ZNF526: variants seen among roughly 807,000 people sequenced by gnomAD.
ZNF526 encodes zinc finger protein 526.
A neutral mutation model predicts 32.4 loss-of-function variants in ZNF526; 16 were observed. The observed-to-expected ratio is 0.49, with a 90% confidence interval of 0.33 to 0.75. The LOEUF is 0.75. ZNF526 is among the 30% of genes least tolerant of loss of function. ZNF526 has a pLI of 0.02. For missense variants in ZNF526, 838 were observed against 920.7 expected, an observed-to-expected ratio of 0.91 and a Z score of 1.16; for synonymous variants, 355 against 363.4, an observed-to-expected ratio of 0.98 and a Z score of 0.26.
chr19:42,226,006 A>G lies in ZNF526; in HGVS notation c.1603A>G (p.Lys535Glu), dbSNP rs1313392103. ...ARPYQCLDCG[K>E]RFTQSSNLQQ... The stretch of plus-strand genomic sequence containing the variant: ...TCCCTACCAATGCCTGGACTGTGGC[A>G]AGCGCTTCACACAGAGCTCCAACCT... The change falls in exon 3 of 3, where the codon AAG (lysine) becomes GAG (glutamate). Residue 535 changes from lysine (K) to glutamate (E), a missense_variant. Physicochemically the swap from Lys to Glu is moderately conservative, Grantham distance 56 (BLOSUM62 1). Coordinates refer to ENST00000301215, the MANE Select transcript of ZNF526 (RefSeq NM_133444.3). The G allele has an allele frequency of 1.9e-6, 3 of 1,613,620 alleles. No individual in the cohort carries two copies. Among genetic ancestry groups the G allele is most frequent in the African/African-American group, 2.7e-5 (2 of 74,948 alleles).
chr19:42,224,453 CA>C lies in ZNF526; in HGVS notation c.51del (p.Ala19GlnfsTer12), dbSNP rs1381336406. Reference sequence around the variant, plus strand: ...GCCGAGATGCCAACACAGATGTCACCAGGGGCAGTGGAGATGTCAACACCTA... The same window carrying C: ...GCCGAGATGCCAACACAGATGTCACCGGGGCAGTGGAGATGTCAACACCTA... The part of the protein sequence containing the change: ...EVAEMPTQMS[P>X]GAVEMSTPMS... On this transcript the variant is annotated frameshift_variant, in exon 3 of 3. Coordinates refer to ENST00000301215, the MANE Select transcript of ZNF526 (RefSeq NM_133444.3). LOFTEE classifies it low-confidence loss of function (END_TRUNC). 1 of 1,614,044 alleles carries C rather than the reference CA, an allele frequency of 6.2e-7. No individual in the cohort carries two copies. The highest frequency in any genetic ancestry group is 2.2e-5 in the East Asian group (1 of 44,900).
Position 42,226,306 on chromosome 19 carries a change from A to G in ZNF526, c.1903A>G (p.Ile635Val), listed in dbSNP as rs1224821835. ...CTELGETIAI[I>V]ETSQPLALED... is the part of the protein sequence containing the mutation. The stretch of plus-strand genomic sequence containing the variant: ...AGAGCTGGGGGAGACCATCGCCATC[A>G]TTGAGACATCCCAGCCACTGGCGCT... The change falls in exon 3 of 3, where the codon ATT becomes GTT. Residue 635 changes from isoleucine to valine, a missense_variant. Ile to Val is a conservative substitution (Grantham distance 29). Transcript: ENST00000301215. 3 of 1,614,172 alleles carry G rather than the reference A, an allele frequency of 1.9e-6. No individual in the cohort carries two copies. The highest frequency in any genetic ancestry group is 2.5e-6 in the Non-Finnish European group (3 of 1,180,024).
chr19:42,224,355 T>G (rs2036151125), intron 2 of ZNF526, 32 bp from the exon 3 acceptor site: 3 of 1,556,346 alleles, frequency 1.9e-6, no homozygotes, highest in Non-Finnish European at 2.7e-6. Flanking sequence ...GGTTTCCTGC[T>G]GTCTCACTGG....
chr19:42,226,227 A>C lies in ZNF526; in HGVS notation c.1824A>C (p.Ser608=). 6.2e-7 allele frequency: 1 copy of C among 1,612,632 alleles called. No individual in the cohort carries two copies. Among genetic ancestry groups the C allele is most frequent in the Non-Finnish European group, 8.5e-7 (1 of 1,179,982 alleles). ...CTTTGACGCTACAGCCTCCCAGATCACCATCTCCTGCCCCACCCCCACCTC... is the reference window on the plus strand; with the variant it reads ...CTTTGACGCTACAGCCTCCCAGATCCCCATCTCCTGCCCCACCCCCACCTC... ...ARTLTLQPPR[S]PSPAPPPPPE... is the part of the protein sequence containing the mutation. The change falls in exon 3 of 3, where the codon TCA becomes TCC. Residue 608 remains serine, a synonymous_variant. Transcript: ENST00000301215.
chr19:42,223,533 C>G (rs968920949), intron 1 of ZNF526, among the ~76,000 whole-genome samples: 4 of 152,074 alleles, frequency 2.6e-5, no homozygotes, highest in Admixed American at 6.6e-5. Context: ...CCCAGCTACT[C>G]GGGAGGCTGA....
In ZNF526 at chr19:42,226,597, C is replaced by T; in HGVS notation, c.*181C>T. ...CTTCCAGGCTTCTCTTGTCATCTTT[C>T]TCTGCCTGAGGGGAAACTGAAGCTC... On this transcript the variant is annotated 3_prime_UTR_variant, in exon 3 of 3. Coordinates refer to ENST00000301215, the MANE Select transcript of ZNF526 (RefSeq NM_133444.3). The T allele has an allele frequency of 3.7e-6, 3 of 800,194 alleles. No homozygotes were observed. The Admixed American group carries it at 6.2e-5, about 17-fold the overall frequency. The allele number at this position is 800,194 out of a possible 1,614,324, so 49.6% of individuals were successfully genotyped here.
Position 42,224,994 on chromosome 19 carries a change from T to C in ZNF526, c.591T>C (p.Tyr197=). 1 of 1,614,188 alleles carries C rather than the reference T, an allele frequency of 6.2e-7. No individual in the cohort carries two copies. Among genetic ancestry groups the C allele is most frequent in the Non-Finnish European group, 8.5e-7 (1 of 1,180,020 alleles). ...SPPSEVKMEP[Y]ECPECSTLCA... is the part of the protein sequence containing the mutation. ...CATCCGAAGTCAAGATGGAGCCCTA[T>C]GAGTGTCCTGAGTGCTCTACCCTCT... Residue 197 remains tyrosine (Y), a synonymous_variant, in exon 3 of 3, where the codon TAT becomes TAC. Coordinates refer to ENST00000301215, the MANE Select transcript of ZNF526 (RefSeq NM_133444.3).
Position 42,226,767 on chromosome 19 carries a change from C to A in ZNF526, c.*351C>A. ...AAGCTTATGCCAGGTCTGTGCTGGC[C>A]ACTCTCATATACCTCTTCAGATCCT... On this transcript the variant is annotated 3_prime_UTR_variant, in exon 3 of 3. Transcript: ENST00000301215. 2.4e-6 allele frequency: 1 copy of A among 422,044 alleles called. No individual in the cohort carries two copies. Among genetic ancestry groups the A allele is most frequent in the East Asian group, 5.6e-5 (1 of 17,898 alleles). The allele number at this position is 422,044 out of a possible 1,614,324, so 26.1% of individuals were successfully genotyped here.
chr19:42,222,916 T>C (rs1468310003), intron 1 of ZNF526, among the ~76,000 whole-genome samples: 1 of 151,592 alleles, frequency 6.6e-6, no homozygotes, highest in Admixed American at 6.6e-5. Flanking sequence ...AAAAACAATC[T>C]TTCTGGAGAA....
rs2036155383 is a variant in ZNF526, at chr19:42,224,687, G to A, written c.284G>A (p.Gly95Asp). The change falls in exon 3 of 3, where the codon GGC (glycine) becomes GAC (aspartate). Residue 95 changes from glycine (G) to aspartate (D), a missense_variant. By Grantham distance (94) the Gly-to-Asp change is moderately conservative. Coordinates refer to ENST00000301215, the MANE Select transcript of ZNF526 (RefSeq NM_133444.3). ...GAGGCACTGACCACACAGAATGTTG[G>A]CCTGGAGCCGGAGCTGGTGCCGGGT... is the stretch of plus-strand genomic sequence containing the variant. ...EEEALTTQNV[G>D]LEPELVPGAE... 7.4e-6 allele frequency: 12 copies of A among 1,614,154 alleles called. No individual in the cohort carries two copies. Among genetic ancestry groups the A allele is most frequent in the Non-Finnish European group, 1.0e-5 (12 of 1,180,036 alleles).
intron 1 of ZNF526, among the ~76,000 whole-genome samples, chr19:42,223,815 CAAAAA>C (rs962041845): frequency 3.0e-5 from 1 of 32,926 alleles, no homozygotes. Flanking sequence ...GAGTCCATCT[CAAAAA>C]AAAAAAAAAA....
chr19:42,225,928 T>A lies in ZNF526; in HGVS notation c.1525T>A (p.Phe509Ile). The stretch of plus-strand genomic sequence containing the variant: ...CCAGTGCCACTCATGTGGCAAGACC[T>A]TTGCTTCTTTGGCCAACCTCAGCCG... ...PFQCHSCGKT[F>I]ASLANLSRHQ... The change falls in exon 3 of 3, where the codon TTT becomes ATT. Residue 509 changes from phenylalanine to isoleucine, a missense_variant. Transcript: ENST00000301215. 6.2e-7 allele frequency: 1 copy of A among 1,614,140 alleles called. No homozygotes were observed. Among genetic ancestry groups the A allele is most frequent in the Non-Finnish European group, 8.5e-7 (1 of 1,180,026 alleles).
rs549179707 is a variant in ZNF526, at chr19:42,225,779, G to A, written c.1376G>A (p.Arg459Gln). The A allele has an allele frequency of 6.8e-5, 96 of 1,409,412 alleles. No individual in the cohort carries two copies. In the East Asian group the frequency reaches 2.7e-3, roughly 40 times the overall value. 87.3% of individuals were successfully genotyped at this position (1,409,412 alleles called of 1,614,324 possible). Residue 459 changes from arginine to glutamine, a missense_variant, in exon 3 of 3, where the codon CGG becomes CAG. Coordinates refer to ENST00000301215, the MANE Select transcript of ZNF526 (RefSeq NM_133444.3). ...TTTGCCTCAGCTTCCCGGCTGTCCC[G>A]GCACCGGCGTGCAGTACACGGGCCC... ...KSFASASRLS[R>Q]HRRAVHGPPE...
chr19:42,225,240 C>G lies in ZNF526; in HGVS notation c.837C>G (p.Pro279=), dbSNP rs533478562. Reference sequence around the variant, plus strand: ...GGGCTCAGGGCTGCGGGGACTGTCCCCAGCACCAGCCCTCAGCAGGGGCTC... The same window carrying G: ...GGGCTCAGGGCTGCGGGGACTGTCCGCAGCACCAGCCCTCAGCAGGGGCTC... ...AGWAQGCGDC[P]QHQPSAGARR... is the part of the protein sequence containing the mutation. Residue 279 remains proline (P), a synonymous_variant, in exon 3 of 3, where the codon CCC becomes CCG. Coordinates refer to ENST00000301215, the MANE Select transcript of ZNF526 (RefSeq NM_133444.3). 1.9e-6 allele frequency: 3 copies of G among 1,613,990 alleles called. No individual in the cohort carries two copies. The highest frequency in any genetic ancestry group is 2.5e-6 in the Non-Finnish European group (3 of 1,179,980).
At chr19:42,222,439 G>T (rs564047393) in intron 1 of ZNF526, among the ~76,000 whole-genome samples, 2 of 152,192 alleles carry the variant, frequency 1.3e-5, no homozygotes, top group African/African-American at 4.8e-5. Flanking sequence ...CTGCCCTCTG[G>T]CACTAATAGA....
Position 42,225,201 on chromosome 19 carries a change from G to T in ZNF526, c.798G>T (p.Glu266Asp), listed in dbSNP as rs574008055. 6 of 1,614,202 alleles carry T rather than the reference G, an allele frequency of 3.7e-6. No homozygotes were observed. Among genetic ancestry groups the T allele is most frequent in the Non-Finnish European group, 5.1e-6 (6 of 1,180,008 alleles). ...GTGATGATGCTGTGGGAGGTGACGA[G>T]TCCACAGCTGGCTGGGCTCAGGGCT... ...EVGDDAVGGDESTAGWAQGCG... is the reference protein window; with the variant it reads ...EVGDDAVGGDDSTAGWAQGCG... The change falls in exon 3 of 3, where the codon GAG becomes GAT. Residue 266 changes from glutamate (E) to aspartate (D), a missense_variant. Coordinates refer to ENST00000301215, the MANE Select transcript of ZNF526 (RefSeq NM_133444.3).
rs1047556882 is a variant in ZNF526 at position 42,220,330 on chromosome 19, C to T, written c.-166C>T. On this transcript the variant is annotated 5_prime_UTR_variant, in exon 1 of 3. Transcript: ENST00000301215. Reference sequence around the variant, plus strand: ...TGTGGATAGTGAGGGGTCCCACACGCCTGGAGCCGAGGGTCTGTGTCAAGA... The same window carrying T: ...TGTGGATAGTGAGGGGTCCCACACGTCTGGAGCCGAGGGTCTGTGTCAAGA... 2 of 152,458 alleles carry T rather than the reference C, an allele frequency of 1.3e-5. No individual in the cohort carries two copies. The highest frequency in any genetic ancestry group is 2.9e-5 in the Non-Finnish European group (2 of 68,220). 9.4% of individuals were successfully genotyped at this position (152,458 alleles called of 1,614,324 possible). A position where few individuals can be genotyped will look rare whatever the true frequency, so the allele number is the denominator to read the frequency against.
rs142484822 is a variant in ZNF526 at position 42,226,057 on chromosome 19, C to A, written c.1654C>A (p.Arg552=). Residue 552 remains arginine (R), a synonymous_variant, in exon 3 of 3, where the codon CGG becomes AGG. Transcript: ENST00000301215. ...GCAGCAGCACCGGCGGTTGCACTTG[C>A]GGCCAGTCGCCTTTGCCCGCGCCCC... The part of the protein sequence containing the change: ...NLQQHRRLHL[R]PVAFARAPRL... 1 of 1,609,966 alleles carries A rather than the reference C, an allele frequency of 6.2e-7. No individual in the cohort carries two copies. The highest frequency in any genetic ancestry group is 1.3e-5 in the African/African-American group (1 of 74,954).
At position 42,224,574 on chromosome 19, in the gene ZNF526, C is replaced by A; in HGVS notation, c.171C>A (p.Phe57Leu). 1.1e-5 allele frequency: 17 copies of A among 1,614,248 alleles called. No homozygotes were observed. The highest frequency in any genetic ancestry group is 1.3e-5 in the Non-Finnish European group (15 of 1,180,042). ...CCCTCTTCTTCCAGCATCACCAGTTCATGTGCTCTGAGTGTGGCAGCCTCT... is the reference window on the plus strand; with the variant it reads ...CCCTCTTCTTCCAGCATCACCAGTTAATGTGCTCTGAGTGTGGCAGCCTCT... Reference protein sequence around the residue: ...ASSLFFQHHQFMCSECGSLYN... With the variant: ...ASSLFFQHHQLMCSECGSLYN... Residue 57 changes from phenylalanine (F) to leucine (L), a missense_variant, in exon 3 of 3, where the codon TTC (phenylalanine) becomes TTA (leucine). Phe to Leu is a conservative substitution (Grantham distance 22). Coordinates refer to ENST00000301215, the MANE Select transcript of ZNF526 (RefSeq NM_133444.3).
Sources: gnomAD v4.1 joint callset for allele counts (sites outside exome capture counted in the v4.1 genomes callset) on GRCh38, gnomAD v4.1.1 for gene constraint, MANE v1.5 for transcripts, NCBI Gene and HGNC (gene_info 2026-07-23, HGNC 2026-07-21) for gene names.